The following SGCD variants were observed in gnomAD, a reference collection of about 807,000 sequenced individuals.
SGCD encodes the protein delta-sarcoglycan.
A neutral mutation model predicts 36.6 loss-of-function variants in SGCD; 18 were observed. The observed-to-expected ratio is 0.49, with a 90% CI of 0.34 to 0.73. The LOEUF (loss-of-function observed/expected upper bound fraction) is 0.73. SGCD is among the 30% of genes least tolerant of loss of function. SGCD has a pLI of 0.01. For missense variants in SGCD, 387 were observed against 346.7 expected (o/e 1.12, Z -0.92); for synonymous variants, 133 against 130.6 (o/e 1.02, Z -0.12).
intron 1 of SGCD, among the ~76,000 whole-genome samples, chr5:155,886,166 A>C (rs565349727): frequency 3.9e-5 from 6 of 152,202 alleles, no homozygotes; most frequent in Non-Finnish European, 7.3e-5. Flanking sequence ...ACTGATTCGA[A>C]CTAATTTAAT....
At chr5:155,870,820 G>A (rs1405119816) in intron 1 of SGCD, among the ~76,000 whole-genome samples, 1 of 152,000 alleles carries the variant, frequency 6.6e-6, no homozygotes, top group Non-Finnish European at 1.5e-5. Flanking sequence ...CTTTTTGCAG[G>A]TGACCCTTGC....
At chr5:156,374,757 G>A (rs953366990) in intron 3 of SGCD, among the ~76,000 whole-genome samples, 4 of 150,728 alleles carry the variant, frequency 2.7e-5, no homozygotes, top group Admixed American at 6.6e-5. Flanking sequence ...CGCCTCCCAG[G>A]TTCACGCCAT....
chr5:156,195,348 T>C (rs1406390891), intron 3 of SGCD, among the ~76,000 whole-genome samples: 2 of 152,216 alleles, frequency 1.3e-5, no homozygotes, highest in Non-Finnish European at 1.5e-5. Context: ...GAGAAATTAG[T>C]GTAAATGAGA....
At chr5:156,307,555 G>GTTTTTTTTTTTTTTTTTTTTTTTTCTTTT (rs59481792) in intron 3 of SGCD, among the ~76,000 whole-genome samples, 1 of 41,146 alleles carries the variant, frequency 2.4e-5, no homozygotes, top group African/African-American at 7.6e-5. Context: ...TTTAACTGTT[G>GTTTTTTTTTTTTTTTTTTTTTTTTCTTTT]TTTTTTTTTT....
At chr5:156,207,474 A>G (rs1043522245) in intron 3 of SGCD, among the ~76,000 whole-genome samples, 3 of 152,188 alleles carry the variant, frequency 2.0e-5, no homozygotes, top group Non-Finnish European at 4.4e-5. Flanking sequence ...TTATACTATC[A>G]ATCTTTGCTG....
intron 3 of SGCD, among the ~76,000 whole-genome samples, chr5:156,488,768 T>G (rs1755813999): frequency 6.6e-6 from 1 of 151,946 alleles, no homozygotes; most frequent in Non-Finnish European, 1.5e-5. Flanking sequence ...AAGTCCAACA[T>G]TACCACTACA....
intron 3 of SGCD, among the ~76,000 whole-genome samples, chr5:156,347,941 A>C (rs77380867): frequency 2.4e-3 from 358 of 152,314 alleles, no homozygotes; most frequent in African/African-American, 8.0e-3. Context: ...TACTGAGATA[A>C]GAATAATGCT....
At chr5:155,780,227 T>C in the SGCD span, among the ~76,000 whole-genome samples, 2 of 152,156 alleles carry the variant, frequency 1.3e-5, no homozygotes, top group Admixed American at 1.3e-4. Flanking sequence ...CCTAAACAGC[T>C]TGACATGGCC....
chr5:155,794,975 G>A, the SGCD span, among the ~76,000 whole-genome samples: 2 of 152,132 alleles, frequency 1.3e-5, no homozygotes, highest in African/African-American at 4.8e-5. Context: ...ATTTTCAAAA[G>A]TGCTACAATA....
chr5:155,964,099 A>G (rs1757850062), intron 1 of SGCD, among the ~76,000 whole-genome samples: 1 of 152,122 alleles, frequency 6.6e-6, no homozygotes, highest in South Asian at 2.1e-4. Flanking sequence ...TTGCTTTTCC[A>G]TGATCTTATG....
chr5:156,266,827 A>G (rs556040586), intron 3 of SGCD, among the ~76,000 whole-genome samples: 1 of 151,590 alleles, frequency 6.6e-6, no homozygotes, highest in East Asian at 1.9e-4. Context: ...AATTGTATTA[A>G]GATGACAGAG....
At chr5:156,479,947 C>T (rs1216873486) in intron 3 of SGCD, among the ~76,000 whole-genome samples, 1 of 152,210 alleles carries the variant, frequency 6.6e-6, no homozygotes, top group Admixed American at 6.5e-5. Context: ...CCAAAGCAGA[C>T]ACCAACAGCT....
chr5:156,578,454 T>C (rs983286026), intron 4 of SGCD, among the ~76,000 whole-genome samples: 4 of 152,204 alleles, frequency 2.6e-5, no homozygotes, highest in Admixed American at 2.6e-4. Context: ...GGATTCCCTC[T>C]TTTTCTATTG....
chr5:155,855,584 G>A, the SGCD span, among the ~76,000 whole-genome samples: 1 of 152,146 alleles, frequency 6.6e-6, no homozygotes, highest in Admixed American at 6.6e-5. Flanking sequence ...CCATACTAGA[G>A]TTCCACATTG....
chr5:156,684,235 G>A (rs1047940472), intron 7 of SGCD, among the ~76,000 whole-genome samples: 5 of 152,092 alleles, frequency 3.3e-5, no homozygotes, highest in Non-Finnish European at 7.4e-5. Flanking sequence ...ACTGTAGAAA[G>A]GTGGATGGCA....
At chr5:156,331,652 A>G (rs1768071352) in intron 2 of SGCD, among the ~76,000 whole-genome samples, 1 of 152,154 alleles carries the variant, frequency 6.6e-6, no homozygotes, top group Admixed American at 6.5e-5. Flanking sequence ...TCCAAATAAT[A>G]TATTGTGAAT....
intron 3 of SGCD, among the ~76,000 whole-genome samples, chr5:156,395,562 C>T (rs189613579): frequency 2.4e-4 from 36 of 152,256 alleles, no homozygotes; most frequent in African/African-American, 8.4e-4. Flanking sequence ...TTGTGGGACT[C>T]AGTTCTGTTT....
intron 3 of SGCD, among the ~76,000 whole-genome samples, chr5:156,365,771 C>CTGTA (rs1770064999): frequency 6.6e-6 from 1 of 151,794 alleles, no homozygotes; most frequent in African/African-American, 2.4e-5. Flanking sequence ...ACATGTATGT[C>CTGTA]TATATTTCCA....
At chr5:156,518,734 G>A (rs1757285820) in intron 4 of SGCD, among the ~76,000 whole-genome samples, 1 of 152,084 alleles carries the variant, frequency 6.6e-6, no homozygotes, top group Admixed American at 6.6e-5. Context: ...TGGAAATTGA[G>A]CAACCTGTTC....
Sources: gnomAD v4.1 joint callset for allele counts (sites outside exome capture counted in the v4.1 genomes callset) on GRCh38, gnomAD v4.1.1 for gene constraint, MANE v1.5 for transcripts, NCBI Gene and HGNC (gene_info 2026-07-23, HGNC 2026-07-21) for gene names.